The following FRMD3 variants were observed in gnomAD, a reference collection of about 807,000 sequenced individuals.
FRMD3 encodes FERM domain containing 3.
A neutral mutation model predicts 70.2 loss-of-function variants in FRMD3; 33 were observed. That is an observed-to-expected ratio of 0.47 (90% CI 0.36 to 0.63). FRMD3 has a LOEUF of 0.63. Among genes scored for constraint, FRMD3 ranks in the 20% least tolerant of loss-of-function variants. FRMD3 has a pLI of 0.00. For synonymous variants in FRMD3, 279 were observed against 255.9 expected, an observed-to-expected ratio of 1.09 and a Z score of -0.86; for missense variants, 632 against 711.4, an observed-to-expected ratio of 0.89 and a Z score of 1.27.
chr9:83,272,941 C>T (rs1269428479), intron 13 of FRMD3, among the ~76,000 whole-genome samples: 6 of 150,006 alleles, frequency 4.0e-5, no homozygotes, highest in East Asian at 2.0e-4. Context: ...CCCCTCCGCC[C>T]GGCAGCCGCC....
At chr9:83,511,269 A>T (rs1186866513) in intron 1 of FRMD3, among the ~76,000 whole-genome samples, 1 of 152,230 alleles carries the variant, frequency 6.6e-6, no homozygotes, top group Non-Finnish European at 1.5e-5. Flanking sequence ...GTACACACTC[A>T]CAATAATAGG....
intron 10 of FRMD3, among the ~76,000 whole-genome samples, chr9:83,304,902 A>G (rs955126374): frequency 3.9e-5 from 6 of 152,134 alleles, no homozygotes; most frequent in Admixed American, 2.0e-4. Flanking sequence ...GGCGGGAAAA[A>G]TCAGAGTTTC....
At chr9:83,288,206 G>A (rs865797314) in intron 13 of FRMD3, among the ~76,000 whole-genome samples, 3 of 152,178 alleles carry the variant, frequency 2.0e-5, no homozygotes, top group Non-Finnish European at 2.9e-5. Flanking sequence ...TCTGAGAAGT[G>A]TAAATCTATA....
At chr9:83,425,805 G>A (rs1252827262) in intron 1 of FRMD3, among the ~76,000 whole-genome samples, 1 of 151,508 alleles carries the variant, frequency 6.6e-6, no homozygotes, top group Non-Finnish European at 1.5e-5. Flanking sequence ...TACTCGAGAG[G>A]CTGAGGCAGG....
intron 13 of FRMD3, among the ~76,000 whole-genome samples, chr9:83,285,235 A>G (rs999098689): frequency 6.6e-6 from 1 of 152,014 alleles, no homozygotes; most frequent in Non-Finnish European, 1.5e-5. Context: ...TCACATATAC[A>G]CTCGGCACAA....
intron 1 of FRMD3, among the ~76,000 whole-genome samples, chr9:83,478,365 C>G (rs1156331101): frequency 6.6e-6 from 1 of 152,076 alleles, no homozygotes; most frequent in Non-Finnish European, 1.5e-5. Flanking sequence ...ATCCAGAAAC[C>G]CATAATTTTC....
At chr9:83,455,335 G>T (rs968612651) in intron 1 of FRMD3, among the ~76,000 whole-genome samples, 1 of 152,114 alleles carries the variant, frequency 6.6e-6, no homozygotes, top group Non-Finnish European at 1.5e-5. Flanking sequence ...AACTTGAATT[G>T]TATCTCCCAG....
At chr9:83,403,073 T>C (rs1036515341) in intron 1 of FRMD3, among the ~76,000 whole-genome samples, 4 of 151,936 alleles carry the variant, frequency 2.6e-5, no homozygotes, top group East Asian at 3.9e-4. Context: ...CCAGATAATT[T>C]TTGTATTTTT....
At chr9:83,371,335 T>A (rs1305448707) in intron 3 of FRMD3, among the ~76,000 whole-genome samples, 3 of 129,074 alleles carry the variant, frequency 2.3e-5, no homozygotes, top group South Asian at 2.4e-4. Context: ...TTTTTTTTTT[T>A]AAACGGAGTC....
chr9:83,361,850 T>C (rs1824595658), intron 3 of FRMD3, among the ~76,000 whole-genome samples: 1 of 152,008 alleles, frequency 6.6e-6, no homozygotes, highest in Non-Finnish European at 1.5e-5. Flanking sequence ...GTGAGGCAGC[T>C]ACAAGCCAAG....
At chr9:83,273,075 A>G (rs369320658) in intron 13 of FRMD3, among the ~76,000 whole-genome samples, 4 of 140,908 alleles carry the variant, frequency 2.8e-5, no homozygotes, top group Non-Finnish European at 4.6e-5. Context: ...CTGCCCGGCC[A>G]CCCCTTCTGG....
intron 3 of FRMD3, among the ~76,000 whole-genome samples, chr9:83,365,990 G>A (rs1308729117): frequency 2.6e-5 from 4 of 152,090 alleles, no homozygotes; most frequent in Non-Finnish European, 2.9e-5. Flanking sequence ...CCACTCAAAG[G>A]TCAGGTGGGA....
intron 1 of FRMD3, among the ~76,000 whole-genome samples, chr9:83,456,502 C>G (rs996435965): frequency 6.6e-6 from 1 of 152,168 alleles, no homozygotes; most frequent in East Asian, 1.9e-4. Flanking sequence ...ATAGAAGTTA[C>G]ACAATTTAAC....
In FRMD3 at chr9:83,248,167, C is replaced by T. The variant is rs1225838978; in HGVS notation, c.1545G>A (p.Leu515=). The T allele has an allele frequency of 6.2e-7, 1 of 1,614,184 alleles. No individual in the cohort carries two copies. Among genetic ancestry groups the T allele is most frequent in the South Asian group, 1.1e-5 (1 of 91,074 alleles). ...RRALSWSYDI[L]TGHIRVNPLV... is the part of the protein sequence containing the mutation. ...GTGGGTTCACCCGAATATGGCCAGT[C>T]AGAATGTCATAGCTCCACGACAAAG... The change falls in exon 14 of 14, where the codon CTG becomes CTA. Residue 515 remains leucine, a synonymous_variant. Transcript: ENST00000304195.
At chr9:83,522,532 GAAAT>G (rs1402990513) in intron 1 of FRMD3, among the ~76,000 whole-genome samples, 2 of 149,722 alleles carry the variant, frequency 1.3e-5, no homozygotes, top group Admixed American at 1.3e-4. Context: ...TAAGGAGAAA[GAAAT>G]AAACCACAAA....
the FRMD3 span, among the ~76,000 whole-genome samples, chr9:83,565,000 T>C: frequency 6.6e-6 from 1 of 152,198 alleles, no homozygotes; most frequent in African/African-American, 2.4e-5. Flanking sequence ...GGCTGCCTGG[T>C]GGGAGCTAAC....
At chr9:83,577,727 C>T in the FRMD3 span, among the ~76,000 whole-genome samples, 5 of 151,828 alleles carry the variant, frequency 3.3e-5, no homozygotes, top group Non-Finnish European at 5.9e-5. Context: ...TAGCAACAAA[C>T]GCCTATACCA....
chr9:83,313,913 TTACTAAG>T (rs1440500719), intron 6 of FRMD3, among the ~76,000 whole-genome samples, 166 bp from the exon 7 acceptor site: 2 of 152,184 alleles, frequency 1.3e-5, no homozygotes, highest in Non-Finnish European at 2.9e-5. Flanking sequence ...AAGGAGTCCT[TTACTAAG>T]GAACCCGAGC....
chr9:83,308,525 C>G (rs545410809), intron 10 of FRMD3, among the ~76,000 whole-genome samples: 4 of 152,084 alleles, frequency 2.6e-5, no homozygotes, highest in African/African-American at 9.7e-5. Context: ...TCAAAAGCCA[C>G]CTGGATGAGG....
Sources: gnomAD v4.1 joint callset for allele counts (sites outside exome capture counted in the v4.1 genomes callset) on GRCh38, gnomAD v4.1.1 for gene constraint, MANE v1.5 for transcripts, NCBI Gene and HGNC (gene_info 2026-07-23, HGNC 2026-07-21) for gene names.